ADAMTS20: variants seen among roughly 807,000 people sequenced by gnomAD.
ADAMTS20 encodes ADAM metallopeptidase with thrombospondin type 1 motif 20.
In ADAMTS20, 225 loss-of-function variants were observed where a neutral mutation model predicts 260.1. The ratio of observed to expected loss-of-function variants is 0.87; its 90% CI spans 0.78 to 0.97. ADAMTS20 has a LOEUF of 0.97. Among genes scored for constraint, ADAMTS20 ranks in the 50% least tolerant of loss-of-function variants. The probability of loss-of-function intolerance (pLI) is 0.00; values close to 1 mark genes in which losing one functional copy is unlikely to be tolerated. For synonymous variants in ADAMTS20, 802 were observed against 769.5 expected, an observed-to-expected ratio of 1.04 and a Z score of -0.70; for missense variants, 2,400 against 2,337.7, an observed-to-expected ratio of 1.03 and a Z score of -0.55.
chr12:43,456,395 C>T (rs1018824237), intron 11 of ADAMTS20, among the ~76,000 whole-genome samples: 2 of 152,108 alleles, frequency 1.3e-5, no homozygotes, highest in African/African-American at 4.8e-5. Context: ...GATCTCACTG[C>T]CCTTACCAGC....
chr12:43,436,604 G>T (rs1370278494), intron 18 of ADAMTS20, among the ~76,000 whole-genome samples: 3 of 152,018 alleles, frequency 2.0e-5, no homozygotes, highest in African/African-American at 7.3e-5. Flanking sequence ...CATTTCAATA[G>T]ATTAGCCACA....
At chr12:43,494,970 G>A (rs2137434766) in intron 4 of ADAMTS20, among the ~76,000 whole-genome samples, 1 of 152,214 alleles carries the variant, frequency 6.6e-6, no homozygotes, top group East Asian at 1.9e-4. Flanking sequence ...AGAATAATAT[G>A]CATATCCAGT....
chr12:43,466,159 G>C (rs2137381210), intron 9 of ADAMTS20, among the ~76,000 whole-genome samples: 1 of 152,038 alleles, frequency 6.6e-6, no homozygotes, highest in South Asian at 2.1e-4. Context: ...AAGAGCTCCT[G>C]AAAGAATATG....
At chr12:43,481,706 G>T (rs1379570688) in intron 7 of ADAMTS20, among the ~76,000 whole-genome samples, 1 of 152,144 alleles carries the variant, frequency 6.6e-6, no homozygotes, top group African/African-American at 2.4e-5. Flanking sequence ...TTTAACAATA[G>T]AAAATAAAAG....
chr12:43,416,893 A>T (rs1941143200), intron 28 of ADAMTS20, among the ~76,000 whole-genome samples: 1 of 152,034 alleles, frequency 6.6e-6, no homozygotes, highest in Admixed American at 6.6e-5. Flanking sequence ...CTCTTTTCCC[A>T]ATCAAAATCC....
chr12:43,448,623 C>T (rs188698228), intron 14 of ADAMTS20, among the ~76,000 whole-genome samples: 2 of 151,946 alleles, frequency 1.3e-5, no homozygotes, highest in Admixed American at 1.3e-4. Flanking sequence ...ATTGCAACAG[C>T]AAAAACTGGA....
At chr12:43,411,475 C>G (rs1266450379) in intron 28 of ADAMTS20, among the ~76,000 whole-genome samples, 1 of 152,130 alleles carries the variant, frequency 6.6e-6, no homozygotes, top group Admixed American at 6.5e-5. Flanking sequence ...TCAAGCGATT[C>G]TCCTGCCTCA....
At chr12:43,436,777 A>G (rs1941564152) in intron 18 of ADAMTS20, among the ~76,000 whole-genome samples, 1 of 152,138 alleles carries the variant, frequency 6.6e-6, no homozygotes, top group Non-Finnish European at 1.5e-5. Context: ...TCAGCGCTCA[A>G]TCTCCTGCTG....
At chr12:43,520,041 C>T (rs985911742) in intron 3 of ADAMTS20, among the ~76,000 whole-genome samples, 14 of 152,078 alleles carry the variant, frequency 9.2e-5, no homozygotes, top group African/African-American at 3.4e-4. Flanking sequence ...TGTTCTTTTA[C>T]CACAGCCTGT....
At chr12:43,355,145 T>C (rs1939717613) in intron 38 of ADAMTS20, among the ~76,000 whole-genome samples, 2 of 152,210 alleles carry the variant, frequency 1.3e-5, no homozygotes, top group Non-Finnish European at 2.9e-5. Flanking sequence ...AAGAATGTTT[T>C]GAGACCGGAA....
intron 2 of ADAMTS20, among the ~76,000 whole-genome samples, chr12:43,541,776 G>C (rs1375688709): frequency 6.6e-6 from 1 of 152,034 alleles, no homozygotes; most frequent in Admixed American, 6.6e-5. Flanking sequence ...GTTTTGTTTT[G>C]TTTTTTAAGG....
intron 37 of ADAMTS20, among the ~76,000 whole-genome samples, chr12:43,357,344 A>T (rs1441719069): frequency 6.6e-6 from 1 of 152,234 alleles, no homozygotes; most frequent in Non-Finnish European, 1.5e-5. Flanking sequence ...ATTACCTCAC[A>T]ATATCTCAAT....
chr12:43,474,047 G>C (rs1942308993), intron 7 of ADAMTS20, among the ~76,000 whole-genome samples: 1 of 151,792 alleles, frequency 6.6e-6, no homozygotes, highest in Admixed American at 6.6e-5. Flanking sequence ...ATGAATCCAG[G>C]AAGCTGGTTT....
intron 30 of ADAMTS20, 25 bp downstream of exon 30, chr12:43,383,779 T>C (rs749300746): frequency 6.2e-7 from 1 of 1,613,490 alleles, no homozygotes; most frequent in South Asian, 1.1e-5. Context: ...GCAGTGTCTT[T>C]GAAAATTTAC....
chr12:43,522,856 G>A (rs575618051), intron 3 of ADAMTS20, among the ~76,000 whole-genome samples: 1 of 152,160 alleles, frequency 6.6e-6, no homozygotes, highest in African/African-American at 2.4e-5. Flanking sequence ...TTTACCAAAC[G>A]TAAGTTGGAT....
At chr12:43,505,943 C>T (rs1457986726) in intron 3 of ADAMTS20, among the ~76,000 whole-genome samples, 1 of 152,106 alleles carries the variant, frequency 6.6e-6, no homozygotes, top group South Asian at 2.1e-4. Flanking sequence ...TATACACATA[C>T]AATGAAATAT....
intron 3 of ADAMTS20, among the ~76,000 whole-genome samples, chr12:43,510,863 ATATAAT>A (rs938859549): frequency 1.3e-5 from 2 of 152,158 alleles, no homozygotes; most frequent in Non-Finnish European, 2.9e-5. Flanking sequence ...TTAAATAATA[ATATAAT>A]TAGAATCCCA....
intron 3 of ADAMTS20, among the ~76,000 whole-genome samples, chr12:43,521,555 A>G (rs1943072219): frequency 6.6e-6 from 1 of 152,086 alleles, no homozygotes; most frequent in African/African-American, 2.4e-5. Context: ...TTTTTCTTTA[A>G]TTCAGTCTCC....
At position 43,446,575 on chromosome 12, in the gene ADAMTS20, G is replaced by A; in HGVS notation, c.2197+20C>T. On this transcript the variant is annotated intron_variant, in intron 15 of 38. Coordinates refer to ENST00000389420, the MANE Select transcript of ADAMTS20 (RefSeq NM_025003.5). The stretch of plus-strand genomic sequence containing the variant: ...TTATACTAAATAAAAGCGAAATCTA[G>A]AAACAAATACACAACTTACCATAAT... The A allele has an allele frequency of 1.3e-6, 2 of 1,590,604 alleles. No homozygotes were observed. The highest frequency in any genetic ancestry group is 1.7e-6 in the Non-Finnish European group (2 of 1,160,286).
Sources: allele counts gnomAD v4.1 joint callset (sites outside exome capture counted in the v4.1 genomes callset), GRCh38; gene constraint gnomAD v4.1.1; transcripts MANE v1.5; gene names NCBI Gene and HGNC (gene_info 2026-07-23, HGNC 2026-07-21).